ESRP1: variants seen among roughly 807,000 people sequenced by gnomAD.
ESRP1 encodes the protein epithelial splicing regulatory protein 1, also known as RNA-binding motif protein 35A.
In ESRP1, 33 loss-of-function variants were observed where a neutral mutation model predicts 81.7. That is an observed-to-expected ratio of 0.40 (90% CI 0.31 to 0.54). ESRP1 has a LOEUF of 0.54. ESRP1 is among the 20% of genes least tolerant of loss of function. ESRP1 has a pLI of 0.41. For synonymous variants in ESRP1, 320 were observed against 303.3 expected (o/e 1.06, Z -0.57); for missense variants, 672 against 833.1 (o/e 0.81, Z 2.38).
At chr8:94,665,264 G>C in intron 9 of ESRP1, 68 bp downstream of exon 9, 2 of 1,464,870 alleles carry the variant, frequency 1.4e-6, no homozygotes, top group Non-Finnish European at 1.9e-6. Flanking sequence ...CTTAAATTTA[G>C]CAAGAGTAGG....
chr8:94,671,818 G>C (rs1244618409), intron 11 of ESRP1, 147 bp downstream of exon 11: 4 of 548,682 alleles, frequency 7.3e-6, no homozygotes, highest in African/African-American at 5.8e-5. Flanking sequence ...GATAAATTTA[G>C]ATGAAATTAG....
At chr8:94,689,836 T>G (rs1809311857) in intron 13 of ESRP1, among the ~76,000 whole-genome samples, 1 of 126,570 alleles carries the variant, frequency 7.9e-6, no homozygotes, top group South Asian at 2.7e-4. Flanking sequence ...TTTTTTTTTT[T>G]GATGGAGTCT....
chr8:94,705,903 C>CTTTTTTTTTT (rs55760931), intron 15 of ESRP1, 22 bp from the exon 16 acceptor site: 9 of 1,369,062 alleles, frequency 6.6e-6, no homozygotes, highest in East Asian at 5.3e-5. Context: ...CTTTTATTCA[C>CTTTTTTTTTT]TTTTTTTTTT....
In ESRP1 at chr8:94,696,979, G is replaced by A. The variant is rs995043065; in HGVS notation, c.*35+18G>A. 1 of 1,499,874 alleles carries A rather than the reference G, an allele frequency of 6.7e-7. No homozygotes were observed. The highest frequency in any genetic ancestry group is 9.0e-7 in the Non-Finnish European group (1 of 1,114,700). The allele number at this position is 1,499,874 out of a possible 1,614,324, so 92.9% of individuals were successfully genotyped here. On this transcript the variant is annotated intron_variant, in intron 15 of 15. Transcript: ENST00000433389. Reference sequence around the variant, plus strand: ...AAAAGAAGGTAAGGCTTTATGATGTGCAAGTTAAATTATAAAGGGCCAAAC... The same window carrying A: ...AAAAGAAGGTAAGGCTTTATGATGTACAAGTTAAATTATAAAGGGCCAAAC...
At chr8:94,692,645 C>T (rs769931514) in intron 13 of ESRP1, 32 bp from the exon 14 acceptor site, 2 of 1,606,072 alleles carry the variant, frequency 1.2e-6, no homozygotes, top group Non-Finnish European at 8.5e-7. Flanking sequence ...TTGTCTATTC[C>T]TATTGGTTCA....
At chr8:94,650,745 C>T (rs1290826815) in intron 4 of ESRP1, among the ~76,000 whole-genome samples, 2 of 151,962 alleles carry the variant, frequency 1.3e-5, no homozygotes, top group Admixed American at 6.6e-5. Flanking sequence ...CGGAGTCTTG[C>T]TGTATTGCCC....
chr8:94,684,853 C>T (rs1264880738), intron 13 of ESRP1, among the ~76,000 whole-genome samples: 2 of 151,952 alleles, frequency 1.3e-5, no homozygotes, highest in African/African-American at 4.8e-5. Context: ...CCCAGGAGTT[C>T]GAGACCATCC....
At chr8:94,683,758 T>C (rs1809020827) in intron 13 of ESRP1, among the ~76,000 whole-genome samples, 1 of 152,168 alleles carries the variant, frequency 6.6e-6, no homozygotes, top group African/African-American at 2.4e-5. Flanking sequence ...ATGATTATGA[T>C]TATCAGGTTT....
intron 10 of ESRP1, among the ~76,000 whole-genome samples, chr8:94,671,191 A>G (rs968060491): frequency 1.3e-5 from 2 of 152,200 alleles, no homozygotes; most frequent in African/African-American, 2.4e-5. Context: ...TGTGTGGTGT[A>G]CACCTCACAG....
At chr8:94,643,439 A>G (rs1287960057) in intron 3 of ESRP1, 23 bp downstream of exon 3, 3 of 1,545,276 alleles carry the variant, frequency 1.9e-6, no homozygotes, top group Admixed American at 3.4e-5. Flanking sequence ...GCTTCTGGGA[A>G]AAAAATGGTT....
intron 14 of ESRP1, among the ~76,000 whole-genome samples, chr8:94,696,270 T>A (rs1563549446): frequency 6.6e-6 from 1 of 152,224 alleles, no homozygotes; most frequent in African/African-American, 2.4e-5. Flanking sequence ...TCCTTTAACA[T>A]TTTCATTTGC....
chr8:94,691,144 A>T (rs1018033558), intron 13 of ESRP1, among the ~76,000 whole-genome samples: 6 of 152,198 alleles, frequency 3.9e-5, no homozygotes, highest in African/African-American at 1.4e-4. Flanking sequence ...AATTGACTTG[A>T]AATCTCACAT....
chr8:94,664,372 C>T (rs1818911723), intron 6 of ESRP1, among the ~76,000 whole-genome samples: 1 of 152,116 alleles, frequency 6.6e-6, no homozygotes, highest in African/African-American at 2.4e-5. Context: ...GATCCACCTA[C>T]CTCAGCCTCC....
At chr8:94,673,699 A>AG in intron 11 of ESRP1, among the ~76,000 whole-genome samples, 1 of 152,330 alleles carries the variant, frequency 6.6e-6, no homozygotes, top group Non-Finnish European at 1.5e-5. Flanking sequence ...GAGTGAGAGA[A>AG]GGGCTCCCAA....
rs1382565737 is a variant in ESRP1, at chr8:94,704,781, A to C, written c.*36-1144A>C. 5.3e-5 allele frequency among the ~76,000 whole-genome samples: 8 copies of C among 151,110 alleles called. No homozygotes were observed. In the East Asian group the frequency reaches 1.4e-3, roughly 26 times the overall value. On this transcript the variant is annotated intron_variant, in intron 15 of 15. Transcript: ENST00000433389. ...ATCTCTTTTTGAAAAAAAAAAAAAA[A>C]AAAAAAAAAAAACTGCAGTGAGCTA...
At chr8:94,689,819 T>C (rs1809309368) in intron 13 of ESRP1, among the ~76,000 whole-genome samples, 1 of 49,906 alleles carries the variant, frequency 2.0e-5, no homozygotes, top group African/African-American at 5.0e-5. Context: ...GGCTTTTTTT[T>C]TTTTTTTTTT....
In ESRP1 at chr8:94,646,149, C is replaced by A; in HGVS notation, c.376-19C>A. On this transcript the variant is annotated intron_variant, in intron 3 of 15. Coordinates refer to ENST00000433389, the MANE Select transcript of ESRP1 (RefSeq NM_017697.4). ...ACCAAATTCACCTAGTTAACATTATCTACCTTGTCCTTCCTCAGAATGTAC... is the reference window on the plus strand; with the variant it reads ...ACCAAATTCACCTAGTTAACATTATATACCTTGTCCTTCCTCAGAATGTAC... 1 of 1,444,950 alleles carries A rather than the reference C, an allele frequency of 6.9e-7. No individual in the cohort carries two copies. Among genetic ancestry groups the A allele is most frequent in the Non-Finnish European group, 9.6e-7 (1 of 1,038,724 alleles). The allele number at this position is 1,444,950 out of a possible 1,614,324, so 89.5% of individuals were successfully genotyped here.
intron 12 of ESRP1, among the ~76,000 whole-genome samples, chr8:94,675,355 C>T (rs147753034): frequency 6.6e-6 from 1 of 152,246 alleles, no homozygotes; most frequent in East Asian, 1.9e-4. Context: ...TGCTTGATTC[C>T]AATAAAGCGG....
intron 15 of ESRP1, among the ~76,000 whole-genome samples, chr8:94,705,126 A>G (rs1379174516): frequency 5.5e-5 from 8 of 144,582 alleles, no homozygotes; most frequent in African/African-American, 2.0e-4. Flanking sequence ...TATAGAGCCC[A>G]TATGTTTGCT....
Sources: gnomAD v4.1 joint callset for allele counts (sites outside exome capture counted in the v4.1 genomes callset) on GRCh38, gnomAD v4.1.1 for gene constraint, MANE v1.5 for transcripts, NCBI Gene and HGNC (gene_info 2026-07-23, HGNC 2026-07-21) for gene names.